The following PSD2 variants were observed in gnomAD, a reference collection of about 807,000 sequenced individuals.
PSD2 encodes the protein pleckstrin and Sec7 domain containing 2.
In PSD2, 38 loss-of-function variants were observed where a neutral mutation model predicts 69.8. That is an observed-to-expected ratio of 0.54 (90% CI 0.42 to 0.71). The LOEUF is 0.71. Ranked by LOEUF, PSD2 falls within the 30% of genes least tolerant of loss-of-function variation. PSD2 has a pLI of 0.00. For missense variants in PSD2, 943 were observed against 1,014.5 expected (o/e 0.93, Z 0.96); for synonymous variants, 412 against 423.0 (o/e 0.97, Z 0.32).
rs183706678 is a variant in PSD2, at chr5:139,844,250, G to A, written c.*1776G>A. 7 of 152,318 alleles carry A rather than the reference G, an allele frequency of 4.6e-5. No homozygotes were observed. In the East Asian group the frequency reaches 1.3e-3, roughly 29 times the overall value. The allele number at this position is 152,318 out of a possible 1,614,324, so 9.4% of individuals were successfully genotyped here. A position where few individuals can be genotyped will look rare whatever the true frequency, so the allele number is the denominator to read the frequency against. On this transcript the variant is annotated 3_prime_UTR_variant, in exon 15 of 15. Transcript: ENST00000274710. ...GCGGGTGAGTGGAGAGCAGAGCCAGGAGCTCTGGCAGCTGTGGACAGATGT... is the reference window on the plus strand; with the variant it reads ...GCGGGTGAGTGGAGAGCAGAGCCAGAAGCTCTGGCAGCTGTGGACAGATGT...
Position 139,813,817 on chromosome 5 carries a change from G to A in PSD2, c.821+59G>A, listed in dbSNP as rs138262411. 3.6e-3 allele frequency: 5,179 copies of A among 1,456,780 alleles called. 329 individuals are homozygous for A. In the Admixed American group the frequency reaches 0.1, roughly 28 times the overall value. The allele number at this position is 1,456,780 out of a possible 1,614,324, so 90.2% of individuals were successfully genotyped here. Reference sequence around the variant, plus strand: ...GCAGATGGGGAAACTGAGACCCAGAGGGGGCAAAGCAGGTTAGGGTGACTC... The same window carrying A: ...GCAGATGGGGAAACTGAGACCCAGAAGGGGCAAAGCAGGTTAGGGTGACTC... On this transcript the variant is annotated intron_variant, in intron 3 of 14. Coordinates refer to ENST00000274710, the MANE Select transcript of PSD2 (RefSeq NM_032289.4).
chr5:139,773,778 G>GT, the PSD2 span, among the ~76,000 whole-genome samples: 2 of 152,212 alleles, frequency 1.3e-5, no homozygotes, highest in Admixed American at 6.5e-5. Context: ...TGTTATGAAT[G>GT]TAGGGGTATA....
chr5:139,756,385 G>A, the PSD2 span, among the ~76,000 whole-genome samples: 1 of 152,212 alleles, frequency 6.6e-6, no homozygotes, highest in African/African-American at 2.4e-5. Flanking sequence ...GCGCTCCCCC[G>A]GGGTCGGGGC....
chr5:139,743,609 A>G, the PSD2 span: 2 of 152,944 alleles, frequency 1.3e-5, no homozygotes, highest in African/African-American at 4.8e-5. Flanking sequence ...TACGATCTGT[A>G]TTTGAGAGTG....
chr5:139,803,166 G>A (rs989701925), intron 1 of PSD2, among the ~76,000 whole-genome samples: 3 of 152,262 alleles, frequency 2.0e-5, no homozygotes, highest in Non-Finnish European at 4.4e-5. Flanking sequence ...GGGAGGGCAG[G>A]ACAGTAGGGA....
chr5:139,833,743 C>T lies in PSD2; in HGVS notation c.1311C>T (p.Asn437=). Residue 437 remains asparagine (N), a synonymous_variant, in exon 8 of 15, where the codon AAC becomes AAT. Transcript: ENST00000274710. ...TGTCCTGTCAGCAATTCATTGCCAA[C>T]TTGGACCAGCTGAATGATGGCCAAG... ...KKMSCQQFIA[N]LDQLNDGQDF... 1 of 1,614,104 alleles carries T rather than the reference C, an allele frequency of 6.2e-7. No homozygotes were observed. The highest frequency in any genetic ancestry group is 8.5e-7 in the Non-Finnish European group (1 of 1,179,958).
chr5:139,833,405 A>T (rs921119857), intron 7 of PSD2, among the ~76,000 whole-genome samples: 19 of 152,098 alleles, frequency 1.2e-4, no homozygotes, highest in Admixed American at 1.2e-3. Flanking sequence ...CAAGCACAAG[A>T]CCTGGAACAT....
the PSD2 span, among the ~76,000 whole-genome samples, chr5:139,777,378 G>T: frequency 6.6e-6 from 1 of 152,142 alleles, no homozygotes; most frequent in Non-Finnish European, 1.5e-5. Flanking sequence ...ATGCCAATGT[G>T]TGCATTAAAG....
chr5:139,754,683 T>C, the PSD2 span, among the ~76,000 whole-genome samples: 2 of 151,730 alleles, frequency 1.3e-5, no homozygotes, highest in East Asian at 3.9e-4. Flanking sequence ...GGTGATAGAG[T>C]GACACCCTGC....
the PSD2 span, among the ~76,000 whole-genome samples, chr5:139,759,400 G>A: frequency 6.6e-6 from 1 of 152,074 alleles, no homozygotes; most frequent in Non-Finnish European, 1.5e-5. Context: ...ATGGGCGGAT[G>A]CTGCCCCCGA....
At chr5:139,817,663 G>A (rs917858264) in intron 5 of PSD2, 102 bp downstream of exon 5, 6 of 1,023,664 alleles carry the variant, frequency 5.9e-6, no homozygotes, top group Non-Finnish European at 9.0e-6. Flanking sequence ...CCTTGGGCAA[G>A]TCTTTTGACC....
At chr5:139,768,233 G>A in the PSD2 span, among the ~76,000 whole-genome samples, 5 of 152,224 alleles carry the variant, frequency 3.3e-5, no homozygotes, top group East Asian at 9.6e-4. Flanking sequence ...GAAAGGATAG[G>A]ACAGGCCCCA....
intron 7 of PSD2, among the ~76,000 whole-genome samples, chr5:139,829,831 T>C (rs1273797574): frequency 6.6e-6 from 1 of 152,192 alleles, no homozygotes; most frequent in African/African-American, 2.4e-5. Context: ...TCTGTTTTCA[T>C]ATTTTGGGGG....
Position 139,839,596 on chromosome 5 carries a change from T to C in PSD2, c.1969-431T>C, listed in dbSNP as rs1229526702. ...TGCAACCATTACGTGTATCTGCGCATGAATGTAAGAGAACGCGTGTATCAT... is the reference window on the plus strand; with the variant it reads ...TGCAACCATTACGTGTATCTGCGCACGAATGTAAGAGAACGCGTGTATCAT... On this transcript the variant is annotated intron_variant, in intron 13 of 14. Transcript: ENST00000274710. This position sits in a 1 kb window ranked among gnomAD's most constrained non-coding sequence, Gnocchi z 5.1. 6.6e-6 allele frequency among the ~76,000 whole-genome samples: 1 copy of C among 152,196 alleles called. No homozygotes were observed. The highest frequency in any genetic ancestry group is 1.5e-5 in the Non-Finnish European group (1 of 68,026).
the PSD2 span, among the ~76,000 whole-genome samples, chr5:139,748,767 AC>A: frequency 6.6e-6 from 1 of 152,234 alleles, no homozygotes; most frequent in African/African-American, 2.4e-5. Context: ...CTCCGCGGCC[AC>A]CGCATCGAGC....
intron 7 of PSD2, among the ~76,000 whole-genome samples, chr5:139,824,911 G>A (rs138329605): frequency 5.3e-5 from 8 of 149,756 alleles, no homozygotes; most frequent in African/African-American, 2.0e-4. Flanking sequence ...GGCCCTGCGA[G>A]TCCCCACAAA....
intron 5 of PSD2, among the ~76,000 whole-genome samples, chr5:139,819,331 G>T (rs1760199099): frequency 6.6e-6 from 1 of 152,136 alleles, no homozygotes; most frequent in African/African-American, 2.4e-5. Context: ...GTGTTCAGTT[G>T]GGCAAACCCC....
upstream of PSD2, among the ~76,000 whole-genome samples, chr5:139,790,914 G>T (rs111360835): frequency 5.3e-5 from 8 of 151,892 alleles, no homozygotes; most frequent in Middle Eastern, 3.4e-3. Flanking sequence ...GTGGTTGGGT[G>T]GGGGGGAGCG....
chr5:139,810,509 G>T (rs1437642298), intron 2 of PSD2, among the ~76,000 whole-genome samples: 1 of 152,206 alleles, frequency 6.6e-6, no homozygotes, highest in Admixed American at 6.5e-5. Flanking sequence ...GTGAGTGTGC[G>T]TGGGGGCATG....
Sources: gnomAD v4.1 joint callset for allele counts (sites outside exome capture counted in the v4.1 genomes callset) on GRCh38, gnomAD v4.1.1 for gene constraint, Gnocchi (gnomAD v3.1) non-coding constraint, MANE v1.5 for transcripts, NCBI Gene and HGNC (gene_info 2026-07-23, HGNC 2026-07-21) for gene names.